Variants in CADM2 observed in about 807,000 individuals in gnomAD.
CADM2 encodes immunoglobulin superfamily member 4D.
In CADM2, 12 loss-of-function variants were observed where a neutral mutation model predicts 49.8. The ratio of observed to expected loss-of-function variants is 0.24; its 90% CI spans 0.15 to 0.39. The LOEUF is 0.39. Among genes scored for constraint, CADM2 ranks in the 10% least tolerant of loss-of-function variants. The probability of loss-of-function intolerance (pLI) is 1.00; values close to 1 mark genes in which losing one functional copy is unlikely to be tolerated. For missense variants in CADM2, 378 were observed against 492.3 expected, an observed-to-expected ratio of 0.77 and a Z score of 2.20; for synonymous variants, 214 against 175.4, an observed-to-expected ratio of 1.22 and a Z score of -1.74.
At chr3:85,818,697 A>G (rs1302281410) in intron 3 of CADM2, among the ~76,000 whole-genome samples, 1 of 152,142 alleles carries the variant, frequency 6.6e-6, no homozygotes, top group Non-Finnish European at 1.5e-5. Flanking sequence ...TTTAAAAGTT[A>G]GAACACTGAA....
At chr3:85,893,442 G>A (rs530808250) in intron 5 of CADM2, among the ~76,000 whole-genome samples, 5 of 152,198 alleles carry the variant, frequency 3.3e-5, no homozygotes, top group East Asian at 1.9e-4. Context: ...ATGGGCAAGG[G>A]CTTCATGTCT....
At chr3:85,409,977 C>T (rs1354084488) in intron 1 of CADM2, among the ~76,000 whole-genome samples, 1 of 152,138 alleles carries the variant, frequency 6.6e-6, no homozygotes, top group Non-Finnish European at 1.5e-5. Flanking sequence ...GCCTTACTGA[C>T]AACTCTTGAG....
At chr3:85,809,067 GT>G (rs2072641980) in intron 3 of CADM2, among the ~76,000 whole-genome samples, 1 of 152,010 alleles carries the variant, frequency 6.6e-6, no homozygotes, top group Admixed American at 6.6e-5. Context: ...CCCTTCTTTT[GT>G]TTTCTTTTAA....
At chr3:85,707,110 G>A (rs553545726) in intron 1 of CADM2, among the ~76,000 whole-genome samples, 1 of 152,106 alleles carries the variant, frequency 6.6e-6, no homozygotes, top group South Asian at 2.1e-4. Flanking sequence ...GGGACTACAG[G>A]CATGAGCCAC....
chr3:85,616,672 A>T (rs2063807313), intron 1 of CADM2, among the ~76,000 whole-genome samples: 1 of 152,184 alleles, frequency 6.6e-6, no homozygotes, highest in African/African-American at 2.4e-5. Flanking sequence ...GCATAATTTG[A>T]TAATTTAGGT....
At chr3:85,764,678 G>A (rs570419906) in intron 2 of CADM2, among the ~76,000 whole-genome samples, 7 of 152,076 alleles carry the variant, frequency 4.6e-5, no homozygotes, top group African/African-American at 1.7e-4. Context: ...TATCAAGAGT[G>A]GGGTCATTTC....
At chr3:85,555,190 C>G (rs2061929323) in intron 1 of CADM2, among the ~76,000 whole-genome samples, 1 of 152,058 alleles carries the variant, frequency 6.6e-6, no homozygotes, top group Non-Finnish European at 1.5e-5. Context: ...ATTTTATATA[C>G]AAAAAATGTG....
At chr3:85,597,936 C>A (rs151106626) in intron 1 of CADM2, among the ~76,000 whole-genome samples, 3 of 152,080 alleles carry the variant, frequency 2.0e-5, no homozygotes, top group African/African-American at 4.8e-5. Context: ...CAACTCTAAA[C>A]ATTTATTTTA....
At chr3:85,723,939 A>T (rs550784872) in intron 1 of CADM2, among the ~76,000 whole-genome samples, 1 of 152,036 alleles carries the variant, frequency 6.6e-6, no homozygotes, top group East Asian at 1.9e-4. Flanking sequence ...GAACAAGTCA[A>T]TTTATTGATG....
At chr3:85,291,837 C>G (rs1364141507) in intron 1 of CADM2, among the ~76,000 whole-genome samples, 1 of 147,580 alleles carries the variant, frequency 6.8e-6, no homozygotes, top group Admixed American at 6.6e-5. Context: ...CAAAATCATG[C>G]CAAAATGTAA....
chr3:85,739,246 G>A (rs1170618773), intron 2 of CADM2, among the ~76,000 whole-genome samples: 2 of 151,984 alleles, frequency 1.3e-5, no homozygotes, highest in African/African-American at 2.4e-5. Context: ...CTGCTTTGTT[G>A]TTCAAAAGTT....
chr3:85,477,415 G>A (rs1003871179), intron 1 of CADM2, among the ~76,000 whole-genome samples: 3 of 151,676 alleles, frequency 2.0e-5, no homozygotes, highest in East Asian at 3.9e-4. Context: ...AAAATTCTTC[G>A]AAGTAGAACT....
intron 1 of CADM2, among the ~76,000 whole-genome samples, chr3:85,431,460 T>C (rs2036662280): frequency 6.6e-6 from 1 of 152,096 alleles, no homozygotes; most frequent in Admixed American, 6.6e-5. Context: ...ATCTTTAGGG[T>C]TTTCAGGGAA....
chr3:85,875,969 A>G (rs150595866), intron 3 of CADM2, among the ~76,000 whole-genome samples: 146 of 152,236 alleles, frequency 9.6e-4, no homozygotes, highest in African/African-American at 3.3e-3. Flanking sequence ...TCAACTTCCT[A>G]TAGGAATTAA....
chr3:85,871,136 T>A (rs1418605451), intron 3 of CADM2, among the ~76,000 whole-genome samples: 2 of 152,170 alleles, frequency 1.3e-5, no homozygotes, highest in Non-Finnish European at 2.9e-5. Context: ...TTGCAAACTA[T>A]GCATCTGACA....
chr3:85,979,068 C>T (rs891149714), intron 8 of CADM2: 1 of 1,356,054 alleles, frequency 7.4e-7, no homozygotes, highest in East Asian at 2.4e-5. Context: ...TAAAGTTAAA[C>T]CTCAATAAGT....
intron 8 of CADM2, chr3:86,014,745 A>C (rs1577953712): frequency 6.7e-7 from 1 of 1,495,982 alleles, no homozygotes; most frequent in South Asian, 1.4e-5. Flanking sequence ...CAATACTGAC[A>C]CGCTCTCAGC....
intron 6 of CADM2, among the ~76,000 whole-genome samples, chr3:85,935,295 G>A (rs1438614535): frequency 6.6e-6 from 1 of 152,102 alleles, no homozygotes; most frequent in East Asian, 1.9e-4. Context: ...AAAAGATTCT[G>A]CATAATACTT....
chr3:86,007,011 G>A (rs1271380446), intron 8 of CADM2, among the ~76,000 whole-genome samples: 2 of 152,030 alleles, frequency 1.3e-5, no homozygotes, highest in African/African-American at 4.8e-5. Flanking sequence ...TTGCACTCCA[G>A]CCTGGGTGAC....
Sources: gnomAD v4.1 joint callset for allele counts (sites outside exome capture counted in the v4.1 genomes callset) on GRCh38, gnomAD v4.1.1 for gene constraint, MANE v1.5 for transcripts, NCBI Gene and HGNC (gene_info 2026-07-23, HGNC 2026-07-21) for gene names.